FBN2: variants seen among roughly 807,000 people sequenced by gnomAD.
The protein encoded by FBN2 is fibrillin-2.
Under a neutral mutation model 355.6 loss-of-function variants are expected in FBN2, and 105 were observed. That is an observed-to-expected ratio of 0.30 (90% CI 0.25 to 0.35). FBN2 has a LOEUF of 0.35. Among genes scored for constraint, FBN2 ranks in the 10% least tolerant of loss-of-function variants. The pLI, the probability that FBN2 is intolerant of heterozygous loss-of-function variation, is 1.00. For missense variants in FBN2, 3,280 were observed against 3,758.7 expected, an observed-to-expected ratio of 0.87 and a Z score of 3.33; for synonymous variants, 1,350 against 1,301.2, an observed-to-expected ratio of 1.04 and a Z score of -0.81.
chr5:128,311,864 G>T, intron 38 of FBN2, 21 bp downstream of exon 38: 1 of 1,578,182 alleles, frequency 6.3e-7, no homozygotes, highest in Non-Finnish European at 8.7e-7. Context: ...TTGAATCTGG[G>T]TGACAATGGG....
chr5:128,486,034 G>A (rs1755328217), intron 5 of FBN2, among the ~76,000 whole-genome samples: 1 of 151,990 alleles, frequency 6.6e-6, no homozygotes, highest in Non-Finnish European at 1.5e-5. Flanking sequence ...TTATTTGGAG[G>A]CATTTCTCAG....
intron 6 of FBN2, among the ~76,000 whole-genome samples, chr5:128,449,406 T>TTTATAGTATAC (rs1754167912): frequency 9.9e-6 from 1 of 100,928 alleles, no homozygotes; most frequent in Admixed American, 9.5e-5. Flanking sequence ...TACTGTATAA[T>TTTATAGTATAC]TATATAGTAT....
intron 4 of FBN2, among the ~76,000 whole-genome samples, chr5:128,521,310 G>C (rs1005874124): frequency 2.0e-5 from 3 of 152,106 alleles, no homozygotes; most frequent in African/African-American, 7.2e-5. Context: ...AGTGGGAACT[G>C]AACGATGAGA....
At chr5:128,333,759 T>A (rs544902030) in intron 31 of FBN2, among the ~76,000 whole-genome samples, 53 of 151,446 alleles carry the variant, frequency 3.5e-4, no homozygotes, top group African/African-American at 1.3e-3. Context: ...CTATGTAGAT[T>A]TGGTTCTCCA....
chr5:128,360,007 C>T (rs1210902365), intron 19 of FBN2, among the ~76,000 whole-genome samples: 2 of 152,086 alleles, frequency 1.3e-5, no homozygotes, highest in Non-Finnish European at 2.9e-5. Flanking sequence ...ACAGAGAAAC[C>T]AGTTCTAAAA....
chr5:128,463,022 A>C (rs1028314760), intron 6 of FBN2, among the ~76,000 whole-genome samples: 2 of 152,178 alleles, frequency 1.3e-5, no homozygotes, highest in Admixed American at 6.5e-5. Context: ...AAAGAAATGA[A>C]GTTAGTATGT....
chr5:128,426,182 G>T (rs1484131067), intron 7 of FBN2, among the ~76,000 whole-genome samples: 2 of 152,146 alleles, frequency 1.3e-5, no homozygotes, highest in Non-Finnish European at 2.9e-5. Flanking sequence ...TTCTGTGGCT[G>T]AACCTCATTA....
At chr5:128,328,289 C>G in intron 34 of FBN2, 1 of 382,098 alleles carries the variant, frequency 2.6e-6, no homozygotes. Context: ...GCAGTCTCAA[C>G]CACGAAGGTA....
chr5:128,280,686 A>G (rs897923388), intron 55 of FBN2, among the ~76,000 whole-genome samples: 4 of 152,062 alleles, frequency 2.6e-5, no homozygotes, highest in Non-Finnish European at 5.9e-5. Context: ...AGGTGTGGGG[A>G]GAGGGATGGT....
intron 27 of FBN2, among the ~76,000 whole-genome samples, chr5:128,336,856 T>G (rs1001520472): frequency 2.6e-5 from 4 of 152,188 alleles, no homozygotes; most frequent in African/African-American, 9.7e-5. Flanking sequence ...TAAGGTAAGG[T>G]AAAAAACAGT....
At chr5:128,437,188 G>T (rs1753787619) in intron 7 of FBN2, among the ~76,000 whole-genome samples, 1 of 152,142 alleles carries the variant, frequency 6.6e-6, no homozygotes, top group African/African-American at 2.4e-5. Flanking sequence ...CTTTGTACCT[G>T]AAAGTATGTT....
chr5:128,496,124 C>T (rs1312159037), intron 5 of FBN2, among the ~76,000 whole-genome samples: 2 of 152,080 alleles, frequency 1.3e-5, no homozygotes, highest in Non-Finnish European at 2.9e-5. Context: ...ATAACAATAC[C>T]AATTTTTCAC....
chr5:128,500,904 T>C (rs368794395), intron 5 of FBN2, among the ~76,000 whole-genome samples: 3 of 152,180 alleles, frequency 2.0e-5, no homozygotes, highest in East Asian at 3.9e-4. Context: ...GGCCCAGTCA[T>C]TGTGATCTCT....
At chr5:128,532,661 T>C (rs1756738580) in intron 2 of FBN2, among the ~76,000 whole-genome samples, 1 of 152,234 alleles carries the variant, frequency 6.6e-6, no homozygotes, top group Non-Finnish European at 1.5e-5. Flanking sequence ...AAGCATTTCC[T>C]GCAGAAGTAA....
intron 2 of FBN2, 22 bp downstream of exon 2, chr5:128,536,380 G>T (rs1357462707): frequency 1.9e-6 from 3 of 1,605,136 alleles, no homozygotes; most frequent in Non-Finnish European, 2.6e-6. Context: ...GCCCCAAGCT[G>T]CGATCCCTGC....
intron 56 of FBN2, among the ~76,000 whole-genome samples, chr5:128,279,074 T>A (rs1289707317): frequency 6.6e-6 from 1 of 152,164 alleles, no homozygotes. Context: ...ATAGATAGAT[T>A]TTTTCCTCCA....
At position 128,301,472 on chromosome 5, in the gene FBN2, T is replaced by G. The variant is rs756772348; in HGVS notation, c.5956A>C (p.Arg1986=). Residue 1986 remains arginine, a synonymous_variant, in exon 47 of 65, where the codon AGA becomes CGA. Coordinates refer to ENST00000262464, the MANE Select transcript of FBN2 (RefSeq NM_001999.4). ...ECSSFFGQVC[R]NGRCFNEIGS... Reference sequence around the variant, plus strand: ...ATTTCATTAAAACAACGTCCATTTCTGCACACCTGACCAAAAAAGGAACTG... The same window carrying G: ...ATTTCATTAAAACAACGTCCATTTCGGCACACCTGACCAAAAAAGGAACTG... The G allele has an allele frequency of 6.2e-7, 1 of 1,613,596 alleles. No homozygotes were observed. The highest frequency in any genetic ancestry group is 8.5e-7 in the Non-Finnish European group (1 of 1,179,754).
intron 5 of FBN2, among the ~76,000 whole-genome samples, chr5:128,470,188 G>A (rs1022015846): frequency 2.0e-5 from 3 of 152,190 alleles, no homozygotes; most frequent in Admixed American, 1.3e-4. Context: ...CAGGACATAG[G>A]AAGCACATGC....
At chr5:128,458,738 C>A (rs1754475881) in intron 6 of FBN2, among the ~76,000 whole-genome samples, 1 of 152,118 alleles carries the variant, frequency 6.6e-6, no homozygotes, top group African/African-American at 2.4e-5. Context: ...TCAAGAAGTT[C>A]TTTGAAACTA....
Sources: allele counts gnomAD v4.1 joint callset (sites outside exome capture counted in the v4.1 genomes callset), GRCh38; gene constraint gnomAD v4.1.1; transcripts MANE v1.5; gene names NCBI Gene and HGNC (gene_info 2026-07-23, HGNC 2026-07-21).